The following SETX variants were observed in gnomAD, a reference collection of about 807,000 sequenced individuals.
The protein encoded by SETX is senataxin, also known as helicase senataxin.
SETX carries 90 observed loss-of-function variants against 227.2 expected under a neutral mutation model. The ratio of observed to expected loss-of-function variants is 0.40; its 90% CI spans 0.33 to 0.47. SETX has a LOEUF of 0.47. SETX is among the 20% of genes least tolerant of loss of function. The probability of loss-of-function intolerance (pLI) is 0.91; values close to 1 mark genes in which losing one functional copy is unlikely to be tolerated. For missense variants in SETX, 3,052 were observed against 3,181.5 expected (o/e 0.96, Z 0.98); for synonymous variants, 1,210 against 1,113.2 (o/e 1.09, Z -1.73).
At position 132,317,141 on chromosome 9, in the gene SETX, A is replaced by G. The variant is rs768704985; in HGVS notation, c.5275-5285T>C. Among the ~76,000 whole-genome samples the G allele has an allele frequency of 8.5e-5, 13 of 152,330 alleles. No individual in the cohort carries two copies. The East Asian group carries it at 9.6e-4, about 11-fold the overall frequency. Reference sequence around the variant, plus strand: ...TTAAAATAGTTGTAAAGTGTTTTCCATAAGTGTCTCATGCATTCATCATTA... The same window carrying G: ...TTAAAATAGTTGTAAAGTGTTTTCCGTAAGTGTCTCATGCATTCATCATTA... On this transcript the variant is annotated intron_variant, in intron 10 of 25. Coordinates refer to ENST00000224140, the MANE Select transcript of SETX (RefSeq NM_015046.7).
At chr9:132,322,532 A>G (rs1256271126) in intron 10 of SETX, among the ~76,000 whole-genome samples, 2 of 152,234 alleles carry the variant, frequency 1.3e-5, no homozygotes, top group Non-Finnish European at 2.9e-5. Context: ...TTCAAGGTTC[A>G]TTAGTGAACA....
chr9:132,285,925 G>C (rs1279069872), intron 18 of SETX, among the ~76,000 whole-genome samples: 1 of 148,502 alleles, frequency 6.7e-6, no homozygotes, highest in African/African-American at 2.5e-5. Context: ...CCTCACGCCT[G>C]TAATCCCAGC....
At chr9:132,265,071 A>G in intron 25 of SETX, 86 bp from the exon 26 acceptor site, 1 of 1,447,120 alleles carries the variant, frequency 6.9e-7, no homozygotes, top group South Asian at 1.2e-5. Flanking sequence ...ATTTCTGAAC[A>G]AATAATACAT....
At chr9:132,312,731 G>GT (rs1459180062) in intron 10 of SETX, among the ~76,000 whole-genome samples, 2 of 152,270 alleles carry the variant, frequency 1.3e-5, no homozygotes, top group East Asian at 1.9e-4. Flanking sequence ...TGATCAGTTT[G>GT]TATCACCCAG....
chr9:132,346,534 T>C (rs1310618311), intron 3 of SETX, 63 bp from the exon 4 acceptor site: 1 of 1,177,690 alleles, frequency 8.5e-7, no homozygotes, highest in Non-Finnish European at 1.2e-6. Flanking sequence ...ACACTGAATG[T>C]GACGACCTAG....
Position 132,349,126 on chromosome 9 carries a change from CAA to C in SETX, c.177+124_177+125del, listed in dbSNP as rs148250771. 47 of 778,478 alleles carry C rather than the reference CAA, an allele frequency of 6.0e-5. 1 individual carries two copies. Among genetic ancestry groups the C allele is most frequent in the East Asian group, 4.9e-4 (14 of 28,464 alleles). The allele number at this position is 778,478 out of a possible 1,614,324, so 48.2% of individuals were successfully genotyped here. On this transcript the variant is annotated intron_variant, in intron 3 of 25. Coordinates refer to ENST00000224140, the MANE Select transcript of SETX (RefSeq NM_015046.7). ...AACAACAACAAAAACAAAACAAAAA[CAA>C]AAAAAAAAACCCACAAAGTTGAAAT...
In SETX at chr9:132,349,546, C is replaced by A. The variant is rs533187224; in HGVS notation, c.-7-111G>T. ...CCTGGTTTCAATTTAAAATGTGTCA[C>A]TAAAACCCAAATCTTCTGCTGGCTG... On this transcript the variant is annotated intron_variant, in intron 2 of 25. Coordinates refer to ENST00000224140, the MANE Select transcript of SETX (RefSeq NM_015046.7). 93 of 1,077,852 alleles carry A rather than the reference C, an allele frequency of 8.6e-5. 1 individual carries two copies. In the Admixed American group the frequency reaches 1.7e-3, roughly 19 times the overall value. The allele number at this position is 1,077,852 out of a possible 1,614,324, so 66.8% of individuals were successfully genotyped here.
At chr9:132,306,593 T>G (rs1361692687) in intron 11 of SETX, among the ~76,000 whole-genome samples, 1 of 152,238 alleles carries the variant, frequency 6.6e-6, no homozygotes, top group Non-Finnish European at 1.5e-5. Flanking sequence ...ATAATTAGGT[T>G]CACCTACTTC....
intron 11 of SETX, among the ~76,000 whole-genome samples, chr9:132,304,408 C>T (rs553243964): frequency 4.6e-5 from 7 of 151,930 alleles, no homozygotes; most frequent in African/African-American, 9.7e-5. Context: ...GACTTCACTA[C>T]ACTTGCAGAA....
intron 10 of SETX, among the ~76,000 whole-genome samples, chr9:132,318,637 T>C (rs1340683216): frequency 6.6e-6 from 1 of 152,148 alleles, no homozygotes; most frequent in Non-Finnish European, 1.5e-5. Flanking sequence ...AATTCAGCCC[T>C]AGGGATGGGA....
At chr9:132,291,821 C>T (rs1373893492) in intron 15 of SETX, among the ~76,000 whole-genome samples, 2 of 152,008 alleles carry the variant, frequency 1.3e-5, no homozygotes, top group Non-Finnish European at 2.9e-5. Context: ...CTAAAGCTAC[C>T]ATTCCAATAA....
intron 20 of SETX, among the ~76,000 whole-genome samples, chr9:132,279,893 AT>A (rs1843400464): frequency 6.6e-6 from 1 of 152,212 alleles, no homozygotes; most frequent in Non-Finnish European, 1.5e-5. Context: ...GCACAGAATG[AT>A]TTTGCCACCT....
At chr9:132,308,123 T>C (rs1589694200) in intron 11 of SETX, among the ~76,000 whole-genome samples, 1 of 152,340 alleles carries the variant, frequency 6.6e-6, no homozygotes, top group East Asian at 1.9e-4. Flanking sequence ...CATAAAATGA[T>C]TAAAGTATCA....
chr9:132,279,816 T>C (rs1171372532), intron 20 of SETX, among the ~76,000 whole-genome samples: 2 of 152,182 alleles, frequency 1.3e-5, no homozygotes, highest in East Asian at 3.8e-4. Flanking sequence ...ATGACATAGA[T>C]TTATTAATAT....
Position 132,283,316 on chromosome 9 carries a change from G to T in SETX, c.6494C>A (p.Ser2165Tyr). 2 of 1,614,174 alleles carry T rather than the reference G, an allele frequency of 1.2e-6. No individual in the cohort carries two copies. Among genetic ancestry groups the T allele is most frequent in the Non-Finnish European group, 1.7e-6 (2 of 1,180,040 alleles). Residue 2165 changes from serine to tyrosine, a missense_variant, in exon 19 of 26, where the codon TCT (serine) becomes TAT (tyrosine). Physicochemically the swap from Ser to Tyr is moderately radical, Grantham distance 144. Coordinates refer to ENST00000224140, the MANE Select transcript of SETX (RefSeq NM_015046.7). ...LSTSGGLLLE[S>Y]AFRGQGGVPF... ...GACACCCCCTTGCCCACGGAAAGCA[G>T]ACTCAAGTAGTAAACCACCACTTGT...
At chr9:132,302,695 A>G (rs1171582294) in intron 11 of SETX, among the ~76,000 whole-genome samples, 37 of 151,016 alleles carry the variant, frequency 2.5e-4, no homozygotes, top group African/African-American at 8.7e-4. Flanking sequence ...AAAAAAAAAA[A>G]AAACCAGCAG....
chr9:132,305,696 A>T (rs1845294147), intron 11 of SETX, among the ~76,000 whole-genome samples: 5 of 152,206 alleles, frequency 3.3e-5, no homozygotes, highest in Non-Finnish European at 1.5e-5. Context: ...AAGTAACTGG[A>T]CAGCACTCTT....
At chr9:132,281,600 C>A in intron 19 of SETX, 26 bp from the exon 20 acceptor site, 1 of 1,476,910 alleles carries the variant, frequency 6.8e-7, no homozygotes, top group South Asian at 1.1e-5. Context: ...AAGAGAGAGG[C>A]AGTCTTAACA....
chr9:132,356,672 G>A (rs180878347), upstream of SETX, among the ~76,000 whole-genome samples: 28 of 152,272 alleles, frequency 1.8e-4, no homozygotes, highest in African/African-American at 6.0e-4. Context: ...CAGCCTTACC[G>A]AGGAGAACCC....
Sources: allele counts gnomAD v4.1 joint callset (sites outside exome capture counted in the v4.1 genomes callset), GRCh38; gene constraint gnomAD v4.1.1; transcripts MANE v1.5; gene names NCBI Gene and HGNC (gene_info 2026-07-23, HGNC 2026-07-21).